IFT46: variants seen among roughly 807,000 people sequenced by gnomAD.
The protein encoded by IFT46 is intraflagellar transport protein 46 homolog.
Under a neutral mutation model 39.6 loss-of-function variants are expected in IFT46, and 19 were observed. The observed-to-expected ratio is 0.48, with a 90% CI of 0.33 to 0.70. The LOEUF (loss-of-function observed/expected upper bound fraction) is 0.70. IFT46 is among the 30% of genes least tolerant of loss of function. IFT46 has a pLI of 0.01. For synonymous variants in IFT46, 117 were observed against 134.8 expected (o/e 0.87, Z 0.91); for missense variants, 334 against 364.8 (o/e 0.92, Z 0.69).
chr11:118,562,970 C>A lies in IFT46; in HGVS notation c.-36+1995G>T, dbSNP rs148431509. Among the ~76,000 whole-genome samples, 1,215 of 151,874 alleles carry A rather than the reference C, an allele frequency of 8.0e-3. 14 individuals carry two copies. Among genetic ancestry groups the A allele is most frequent in the African/African-American group, 0.024 (983 of 41,392 alleles). On this transcript the variant is annotated intron_variant, in intron 2 of 11. Coordinates refer to ENST00000264021, the MANE Select transcript of IFT46 (RefSeq NM_001168618.2). ...GTCCCAACTACTCAGGAGGCTGAGG[C>A]AGGAGAGTCGCTTGAACCCGGGAGG... is the stretch of plus-strand genomic sequence containing the variant.
At chr11:118,546,569 G>A (rs1232739669) in intron 9 of IFT46, 1 of 184,760 alleles carries the variant, frequency 5.4e-6, no homozygotes, top group African/African-American at 2.3e-5. Flanking sequence ...CTAGCCTCCA[G>A]AACTATGAAA....
At chr11:118,552,003 C>T (rs1273788098) in intron 8 of IFT46, 151 bp from the exon 9 acceptor site, 3 of 1,005,932 alleles carry the variant, frequency 3.0e-6, no homozygotes, top group Non-Finnish European at 4.5e-6. Flanking sequence ...CCAAAGTTAC[C>T]CAGGGCCTGG....
upstream of IFT46, among the ~76,000 whole-genome samples, chr11:118,576,443 A>AAC (rs1555073656): frequency 6.8e-6 from 1 of 147,566 alleles, no homozygotes; most frequent in Admixed American, 6.7e-5. Flanking sequence ...AAAAAAAAAA[A>AAC]AAAAAACCAA....
chr11:118,554,202 C>A (rs1937749049), intron 7 of IFT46, among the ~76,000 whole-genome samples: 1 of 151,920 alleles, frequency 6.6e-6, no homozygotes, highest in Non-Finnish European at 1.5e-5. Flanking sequence ...AGGCGCCCGC[C>A]ACTACACCCT....
At position 118,564,188 on chromosome 11, in the gene IFT46, C is replaced by CA. The variant is rs34442295; in HGVS notation, c.-36+776dup. On this transcript the variant is annotated intron_variant, in intron 2 of 11. Coordinates refer to ENST00000264021, the MANE Select transcript of IFT46 (RefSeq NM_001168618.2). ...TGTGTGATAGAGTGAGACTCTGTCTCAAAAAAAAAAAAAAAAAAAAAAAAA... is the reference window on the plus strand; with the variant it reads ...TGTGTGATAGAGTGAGACTCTGTCTCAAAAAAAAAAAAAAAAAAAAAAAAAA... 6.3e-3 allele frequency among the ~76,000 whole-genome samples: 344 copies of CA among 54,982 alleles called. 9 individuals are homozygous for CA. Among genetic ancestry groups the CA allele is most frequent in the Non-Finnish European group, 7.3e-3 (217 of 29,674 alleles). The allele number at this position is 54,982 out of a possible 152,430, so 36.1% of individuals were successfully genotyped here.
intron 2 of IFT46, among the ~76,000 whole-genome samples, chr11:118,564,693 G>GA (rs1565352250): frequency 6.7e-6 from 1 of 150,278 alleles, no homozygotes; most frequent in East Asian, 1.9e-4. Flanking sequence ...TAAAAAAAAA[G>GA]AAAAGAAAAA....
intron 9 of IFT46, chr11:118,546,683 T>C (rs1169152831): frequency 6.5e-6 from 1 of 154,360 alleles, no homozygotes; most frequent in Non-Finnish European, 1.4e-5. Flanking sequence ...AGTATGGAAT[T>C]GGTCATATGT....
chr11:118,548,204 A>G (rs1265768967), intron 9 of IFT46, among the ~76,000 whole-genome samples: 2 of 150,186 alleles, frequency 1.3e-5, no homozygotes, highest in African/African-American at 4.9e-5. Context: ...TCTTATTAAT[A>G]TATAAGAGCT....
upstream of IFT46, among the ~76,000 whole-genome samples, chr11:118,567,126 C>T (rs1938243967): frequency 6.6e-6 from 1 of 151,962 alleles, no homozygotes; most frequent in African/African-American, 2.4e-5. Flanking sequence ...TGGTGGCACG[C>T]ACCTATAGTG....
chr11:118,562,924 G>C (rs1317405783), intron 2 of IFT46, among the ~76,000 whole-genome samples: 1 of 152,138 alleles, frequency 6.6e-6, no homozygotes, highest in Non-Finnish European at 1.5e-5. Context: ...AATTAGCTGG[G>C]TGTGGTGGTG....
At chr11:118,554,389 T>G in intron 7 of IFT46, 70 bp downstream of exon 7, 2 of 1,452,430 alleles carry the variant, frequency 1.4e-6, no homozygotes, top group Non-Finnish European at 1.8e-6. Flanking sequence ...GTCAACTGTA[T>G]GAGTGCCAGC....
intron 7 of IFT46, among the ~76,000 whole-genome samples, chr11:118,553,643 T>C (rs1192112786): frequency 3.9e-5 from 6 of 152,176 alleles, no homozygotes; most frequent in Admixed American, 3.9e-4. Context: ...GGCCCAGCAA[T>C]TCTACTCCTA....
intron 9 of IFT46, among the ~76,000 whole-genome samples, chr11:118,549,998 A>G (rs1555068035): frequency 6.8e-6 from 1 of 147,152 alleles, no homozygotes; most frequent in African/African-American, 2.5e-5. Context: ...ATCTTTGCTC[A>G]CTGCAACCTC....
rs782707333 is a variant in IFT46 at position 118,555,342 on chromosome 11, T to A, written c.186-20A>T. 6.2e-7 allele frequency: 1 copy of A among 1,605,474 alleles called. No homozygotes were observed. The highest frequency in any genetic ancestry group is 1.7e-5 in the Admixed American group (1 of 59,984). ...TAGGCCCTGGGAAAAGGAAAACAGT[T>A]TGTTCGAGGTGGCCAGAGAAGAGCA... On this transcript the variant is annotated intron_variant, in intron 4 of 11. Coordinates refer to ENST00000264021, the MANE Select transcript of IFT46 (RefSeq NM_001168618.2).
At position 118,547,748 on chromosome 11, in the gene IFT46, T is replaced by C. The variant is rs540675657; in HGVS notation, c.673-1895A>G. ...CTTTTACTTTTCTTTTCTTTTCTTTTTTTTTTTTTTTTTTTTGAGACAGAG... is the reference window on the plus strand; with the variant it reads ...CTTTTACTTTTCTTTTCTTTTCTTTCTTTTTTTTTTTTTTTTGAGACAGAG... On this transcript the variant is annotated intron_variant, in intron 9 of 11. Transcript: ENST00000264021. 1.7e-3 allele frequency among the ~76,000 whole-genome samples: 249 copies of C among 143,024 alleles called. 4 individuals are homozygous for C. The highest frequency in any genetic ancestry group is 6.1e-3 in the African/African-American group (236 of 38,778). The allele number at this position is 143,024 out of a possible 152,430, so 93.8% of individuals were successfully genotyped here. A position where few individuals can be genotyped will look rare whatever the true frequency, so the allele number is the denominator to read the frequency against.
chr11:118,572,508 T>C, intron 1 of IFT46: 3 of 1,610,498 alleles, frequency 1.9e-6, no homozygotes, highest in Non-Finnish European at 2.5e-6. Context: ...CTATCCCCAG[T>C]GGAGCCGGAG....
chr11:118,546,180 G>A, intron 9 of IFT46: 1 of 718,328 alleles, frequency 1.4e-6, no homozygotes, highest in South Asian at 1.5e-5. Flanking sequence ...CACAGAAGAT[G>A]GCCAAGAAGA....
intron 3 of IFT46, chr11:118,557,804 G>A: frequency 6.2e-7 from 1 of 1,614,070 alleles, no homozygotes; most frequent in Admixed American, 1.7e-5. Context: ...GGGTCTGGTG[G>A]CACTTGAGAC....
At chr11:118,555,347 C>T (rs77812853) in intron 4 of IFT46, 25 bp from the exon 5 acceptor site, 16 of 1,599,350 alleles carry the variant, frequency 1.0e-5, no homozygotes, top group Non-Finnish European at 1.1e-5. Context: ...ACAGTTTGTT[C>T]GAGGTGGCCA....
Sources: gnomAD v4.1 joint callset for allele counts (sites outside exome capture counted in the v4.1 genomes callset) on GRCh38, gnomAD v4.1.1 for gene constraint, MANE v1.5 for transcripts, NCBI Gene and HGNC (gene_info 2026-07-23, HGNC 2026-07-21) for gene names.